The following HACE1 variants were observed in gnomAD, a reference collection of about 807,000 sequenced individuals.
HACE1 encodes the protein HECT domain and ankyrin repeat containing E3 ubiquitin protein ligase 1.
HACE1 carries 73 observed loss-of-function variants against 118.4 expected under a neutral mutation model. The observed-to-expected ratio is 0.62, with a 90% confidence interval of 0.51 to 0.75. HACE1 has a LOEUF of 0.75. HACE1 is among the 30% of genes least tolerant of loss of function. HACE1 has a pLI of 0.00. For missense variants in HACE1, 749 were observed against 1,102.2 expected (o/e 0.68, Z 4.54); for synonymous variants, 368 against 374.8 (o/e 0.98, Z 0.21).
In HACE1 at chr6:104,730,402, T is replaced by A. The variant is rs1416256874; in HGVS notation, c.2528A>T (p.His843Leu). The change falls in exon 23 of 24, where the codon CAT becomes CTT. Residue 843 changes from histidine (H) to leucine (L), a missense_variant. This residue lies in a region of HACE1 where 165 missense variants were observed against 229.9 expected (regional missense o/e 0.72). Coordinates refer to ENST00000262903, the MANE Select transcript of HACE1 (RefSeq NM_020771.4). ...ACCCATGATATTAGCAAACCCACCA[T>A]GTGGGACCCTGGAACTAAGAGTTTA... The part of the protein sequence containing the change: ...QFVTGSSRVP[H>L]GGFANIMGGS... 2 of 1,500,406 alleles carry A rather than the reference T, an allele frequency of 1.3e-6. No individual in the cohort carries two copies. The highest frequency in any genetic ancestry group is 1.9e-6 in the Non-Finnish European group (2 of 1,076,270). 92.9% of individuals were successfully genotyped at this position (1,500,406 alleles called of 1,614,324 possible). A position where few individuals can be genotyped will look rare whatever the true frequency, so the allele number is the denominator to read the frequency against.
At chr6:104,745,293 A>G (rs1191837785) in intron 20 of HACE1, among the ~76,000 whole-genome samples, 3 of 152,162 alleles carry the variant, frequency 2.0e-5, no homozygotes, top group African/African-American at 4.8e-5. Flanking sequence ...TAAGAATGGC[A>G]AAGTATTTAC....
intron 6 of HACE1, among the ~76,000 whole-genome samples, chr6:104,832,579 T>C (rs915586073): frequency 6.6e-6 from 1 of 152,036 alleles, no homozygotes; most frequent in Non-Finnish European, 1.5e-5. Context: ...GTATTTTTAG[T>C]AGAGATGGGG....
chr6:104,824,469 T>TG (rs1773103324), intron 6 of HACE1, among the ~76,000 whole-genome samples: 1 of 152,180 alleles, frequency 6.6e-6, no homozygotes, highest in Non-Finnish European at 1.5e-5. Flanking sequence ...TGTTCATGTG[T>TG]GCCCAAAGGT....
At chr6:104,773,239 A>G (rs937999811) in intron 17 of HACE1, among the ~76,000 whole-genome samples, 2 of 152,228 alleles carry the variant, frequency 1.3e-5, no homozygotes, top group African/African-American at 4.8e-5. Context: ...TAAAAGAAAC[A>G]ACGGATAAAC....
chr6:104,730,473 T>C, intron 22 of HACE1, 57 bp from the exon 23 acceptor site: 4 of 893,690 alleles, frequency 4.5e-6, no homozygotes, highest in Non-Finnish European at 7.6e-6. Flanking sequence ...TTGTGACAGA[T>C]AAATTTCAAG....
At chr6:104,753,016 A>G (rs1294478785) in intron 19 of HACE1, among the ~76,000 whole-genome samples, 5 of 152,214 alleles carry the variant, frequency 3.3e-5, no homozygotes, top group Non-Finnish European at 5.9e-5. Context: ...CAAATACTTG[A>G]AAGAGCTGTG....
At chr6:104,859,154 C>T (rs1777045180) in intron 1 of HACE1, among the ~76,000 whole-genome samples, 1 of 152,182 alleles carries the variant, frequency 6.6e-6, no homozygotes, top group Admixed American at 6.5e-5. Context: ...CCGCCTGGCC[C>T]CCCGATGCAG....
At chr6:104,773,264 T>C (rs1382192496) in intron 17 of HACE1, among the ~76,000 whole-genome samples, 1 of 152,016 alleles carries the variant, frequency 6.6e-6, no homozygotes, top group Non-Finnish European at 1.5e-5. Flanking sequence ...TGAAATAGCA[T>C]CAAAGAAAAA....
rs189245243 is a variant in HACE1 at position 104,849,316 on chromosome 6, A to G, written c.222-70T>C. On this transcript the variant is annotated intron_variant, in intron 3 of 23. Coordinates refer to ENST00000262903, the MANE Select transcript of HACE1 (RefSeq NM_020771.4). ...CCATACTTGATGTAGTTCAATTAAA[A>G]AACAAAATATTCTATTAAACACAAT... 3.2e-6 allele frequency: 3 copies of G among 945,138 alleles called. No individual in the cohort carries two copies. In the Admixed American group the frequency reaches 5.1e-5, roughly 16 times the overall value. 58.5% of individuals were successfully genotyped at this position (945,138 alleles called of 1,614,324 possible).
chr6:104,825,327 G>T (rs73768830), intron 6 of HACE1, among the ~76,000 whole-genome samples: 1 of 152,066 alleles, frequency 6.6e-6, no homozygotes, highest in East Asian at 1.9e-4. Flanking sequence ...ATGGGAAATT[G>T]AAAGTACCAC....
intron 6 of HACE1, among the ~76,000 whole-genome samples, chr6:104,825,260 G>A (rs903062597): frequency 2.6e-5 from 4 of 152,044 alleles, no homozygotes; most frequent in African/African-American, 7.2e-5. Flanking sequence ...AACTTTCCAC[G>A]CCTAAGTAAC....
intron 6 of HACE1, among the ~76,000 whole-genome samples, chr6:104,830,467 T>C (rs543616233): frequency 2.6e-5 from 4 of 152,312 alleles, no homozygotes; most frequent in African/African-American, 9.6e-5. Context: ...CCCTCCATTT[T>C]TCCAACACCA....
intron 1 of HACE1, among the ~76,000 whole-genome samples, chr6:104,858,863 T>G (rs1233124382): frequency 6.6e-6 from 1 of 152,230 alleles, no homozygotes; most frequent in African/African-American, 2.4e-5. Flanking sequence ...GAGTTTTACC[T>G]GTCCTGAGGG....
intron 6 of HACE1, among the ~76,000 whole-genome samples, chr6:104,829,038 T>A (rs1324989816): frequency 6.6e-6 from 1 of 152,002 alleles, no homozygotes; most frequent in Non-Finnish European, 1.5e-5. Context: ...CTTAATGGAA[T>A]TTTTTCCCCA....
At chr6:104,753,927 G>C (rs932144802) in intron 19 of HACE1, among the ~76,000 whole-genome samples, 1 of 152,154 alleles carries the variant, frequency 6.6e-6, no homozygotes, top group Non-Finnish European at 1.5e-5. Flanking sequence ...GACAGAAATA[G>C]TCTTCAGAAG....
intron 4 of HACE1, among the ~76,000 whole-genome samples, chr6:104,844,344 ATTTT>A (rs374033174): frequency 1.1e-4 from 13 of 119,928 alleles, no homozygotes; most frequent in Admixed American, 2.6e-4. Flanking sequence ...CATCATAAAC[ATTTT>A]TTTTTTTTTT....
chr6:104,852,195 C>CAG, intron 2 of HACE1, 122 bp downstream of exon 2: 1 of 552,984 alleles, frequency 1.8e-6, no homozygotes, highest in Non-Finnish European at 3.3e-6. Context: ...TATGTCCAAA[C>CAG]TGTCTGTGTG....
chr6:104,750,590 A>G (rs1316181674), intron 19 of HACE1, 118 bp from the exon 20 acceptor site: 26 of 942,602 alleles, frequency 2.8e-5, no homozygotes, highest in Non-Finnish European at 4.2e-5. Context: ...ACCAACACTC[A>G]TACATCTCAG....
intron 4 of HACE1, among the ~76,000 whole-genome samples, chr6:104,844,891 T>C (rs1775497297): frequency 6.6e-6 from 1 of 150,846 alleles, no homozygotes; most frequent in Non-Finnish European, 1.5e-5. Flanking sequence ...CTTGAACTCC[T>C]GATCTCAGGC....
Sources: gnomAD v4.1 joint callset for allele counts (sites outside exome capture counted in the v4.1 genomes callset) on GRCh38, gnomAD v4.1.1 for gene constraint, gnomAD v4.1.1 regional missense constraint, MANE v1.5 for transcripts, NCBI Gene and HGNC (gene_info 2026-07-23, HGNC 2026-07-21) for gene names.